The following NRXN3 variants were observed in gnomAD, a reference collection of about 807,000 sequenced individuals.
NRXN3 encodes neurexin 3.
A neutral mutation model predicts 137.6 loss-of-function variants in NRXN3; 32 were observed. That is an observed-to-expected ratio of 0.23 (90% CI 0.18 to 0.31). The LOEUF is 0.31. NRXN3 is among the 10% of genes least tolerant of loss of function. The pLI is 1.00. For synonymous variants in NRXN3, 798 were observed against 784.5 expected (o/e 1.02, Z -0.29); for missense variants, 1,574 against 2,062.5 (o/e 0.76, Z 4.59).
chr14:78,637,918 CT>C (rs768805854), intron 4 of NRXN3, among the ~76,000 whole-genome samples: 2 of 152,212 alleles, frequency 1.3e-5, no homozygotes, highest in Non-Finnish European at 2.9e-5. Context: ...ACCTGTGAAT[CT>C]TTACTTTTTA....
intron 4 of NRXN3, among the ~76,000 whole-genome samples, chr14:78,302,890 G>A (rs1315474955): frequency 6.6e-6 from 1 of 152,172 alleles, no homozygotes; most frequent in Non-Finnish European, 1.5e-5. Flanking sequence ...CAGCTCCCTG[G>A]ATCAGTTTCC....
intron 6 of NRXN3, among the ~76,000 whole-genome samples, chr14:78,684,788 T>C (rs1226469206): frequency 6.6e-6 from 1 of 152,186 alleles, no homozygotes; most frequent in Non-Finnish European, 1.5e-5. Flanking sequence ...AGCAAGACCT[T>C]GTCTCAAAAA....
rs192380374 is a variant in NRXN3 at position 78,537,368 on chromosome 14, C to A, written c.758-107752C>A. On this transcript the variant is annotated intron_variant, in intron 4 of 20. Transcript: ENST00000335750. ...TTCTCTGATGACTGGTGATGATGAG[C>A]ATTTTTACATGTGTCTATTAATTGG... Among the ~76,000 whole-genome samples, 126 of 152,310 alleles carry A rather than the reference C, an allele frequency of 8.3e-4. No homozygotes were observed. The Middle Eastern group carries it at 0.017, about 21-fold the overall frequency.
At chr14:78,654,022 GTC>G (rs1431618679) in intron 6 of NRXN3, among the ~76,000 whole-genome samples, 1 of 152,216 alleles carries the variant, frequency 6.6e-6, no homozygotes, top group Non-Finnish European at 1.5e-5. Flanking sequence ...CAGCGTGATA[GTC>G]TTTCTAAGGG....
At chr14:78,558,073 A>G (rs760900246) in intron 4 of NRXN3, among the ~76,000 whole-genome samples, 1 of 152,238 alleles carries the variant, frequency 6.6e-6, no homozygotes, top group Non-Finnish European at 1.5e-5. Flanking sequence ...GTAGAGCAGC[A>G]TTTGAACCTA....
chr14:78,484,616 A>T (rs919630437), intron 4 of NRXN3, among the ~76,000 whole-genome samples: 3 of 152,158 alleles, frequency 2.0e-5, no homozygotes, highest in African/African-American at 4.8e-5. Flanking sequence ...TGGTACTGGA[A>T]CATGGAGCTT....
At chr14:79,627,329 T>C (rs1238754959) in intron 16 of NRXN3, among the ~76,000 whole-genome samples, 1 of 152,190 alleles carries the variant, frequency 6.6e-6, no homozygotes, top group Non-Finnish European at 1.5e-5. Context: ...AACTTTACCA[T>C]AGACATCTTT....
intron 8 of NRXN3, among the ~76,000 whole-genome samples, chr14:78,770,898 C>T (rs535583732): frequency 6.6e-6 from 1 of 152,266 alleles, no homozygotes; most frequent in South Asian, 2.1e-4. Context: ...GGCAAAGGCC[C>T]TCCACTTTAA....
At chr14:78,834,382 A>T (rs1366320601) in intron 10 of NRXN3, among the ~76,000 whole-genome samples, 1 of 152,142 alleles carries the variant, frequency 6.6e-6, no homozygotes, top group East Asian at 1.9e-4. Flanking sequence ...CCTTTCCTGA[A>T]TACTGGTCTA....
chr14:78,433,014 C>G (rs2093945535), intron 4 of NRXN3, among the ~76,000 whole-genome samples: 1 of 152,184 alleles, frequency 6.6e-6, no homozygotes, highest in African/African-American at 2.4e-5. Context: ...TTCTGTAGGT[C>G]AGAAGCAAAA....
chr14:79,217,854 C>T (rs1185297380), intron 15 of NRXN3, among the ~76,000 whole-genome samples: 2 of 152,092 alleles, frequency 1.3e-5, no homozygotes, highest in East Asian at 1.9e-4. Flanking sequence ...GTAAAATGTA[C>T]GAAACAGGGA....
chr14:79,641,980 G>A lies in NRXN3; in HGVS notation c.3445-21798G>A, dbSNP rs573084072. Among the ~76,000 whole-genome samples the A allele has an allele frequency of 8.8e-4, 119 of 135,654 alleles. 9 individuals are homozygous for A. The highest frequency in any genetic ancestry group is 2.6e-3 in the African/African-American group (108 of 40,840). The allele number at this position is 135,654 out of a possible 152,430, so 89.0% of individuals were successfully genotyped here. A position where few individuals can be genotyped will look rare whatever the true frequency, so the allele number is the denominator to read the frequency against. ...TGGGACAATACTGCGTGATCGTGGC[G>A]TTCACATTTCTCCCTCCAAGTCCTT... On this transcript the variant is annotated intron_variant, in intron 16 of 20. Transcript: ENST00000335750.
At chr14:79,635,116 A>G (rs2098393569) in intron 16 of NRXN3, among the ~76,000 whole-genome samples, 1 of 152,246 alleles carries the variant, frequency 6.6e-6, no homozygotes, top group African/African-American at 2.4e-5. Flanking sequence ...TAGAGGTGAT[A>G]GATATGCTAA....
chr14:79,176,346 A>T (rs2062343831), intron 15 of NRXN3, among the ~76,000 whole-genome samples: 1 of 152,146 alleles, frequency 6.6e-6, no homozygotes, highest in South Asian at 2.1e-4. Flanking sequence ...AGCCTGCATG[A>T]TGTTTTAAAT....
chr14:79,705,888 T>G (rs1045014676), intron 19 of NRXN3, among the ~76,000 whole-genome samples: 1 of 152,196 alleles, frequency 6.6e-6, no homozygotes, highest in Non-Finnish European at 1.5e-5. Context: ...AGTTCTAGGA[T>G]GGCAAGATCT....
At chr14:78,303,579 C>G (rs1382483008) in intron 4 of NRXN3, among the ~76,000 whole-genome samples, 2 of 152,058 alleles carry the variant, frequency 1.3e-5, no homozygotes, top group African/African-American at 4.8e-5. Flanking sequence ...GTCAAGGTGC[C>G]TTCCCTGCTT....
At chr14:78,718,425 A>G (rs1414780661) in intron 8 of NRXN3, among the ~76,000 whole-genome samples, 3 of 152,190 alleles carry the variant, frequency 2.0e-5, no homozygotes, top group Admixed American at 1.3e-4. Flanking sequence ...ACTAGACACT[A>G]CATCAAAATA....
At chr14:78,659,897 T>C (rs1323290831) in intron 6 of NRXN3, among the ~76,000 whole-genome samples, 1 of 152,028 alleles carries the variant, frequency 6.6e-6, no homozygotes, top group Non-Finnish European at 1.5e-5. Context: ...GTCAGTCGAT[T>C]AGAGATTCCC....
intron 4 of NRXN3, among the ~76,000 whole-genome samples, chr14:78,582,791 T>C (rs143703222): frequency 1.3e-5 from 2 of 152,224 alleles, no homozygotes; most frequent in African/African-American, 4.8e-5. Context: ...CAATAACCCA[T>C]CCACACGATA....
Sources: gnomAD v4.1 joint callset for allele counts (sites outside exome capture counted in the v4.1 genomes callset) on GRCh38, gnomAD v4.1.1 for gene constraint, MANE v1.5 for transcripts, NCBI Gene and HGNC (gene_info 2026-07-23, HGNC 2026-07-21) for gene names.